Variants in STK3 observed in about 807,000 individuals in gnomAD.
STK3 encodes the protein serine/threonine-protein kinase 3.
STK3 carries 41 observed loss-of-function variants against 58.0 expected under a neutral mutation model. The observed-to-expected ratio is 0.71, with a 90% CI of 0.55 to 0.92. The LOEUF (loss-of-function observed/expected upper bound fraction) is 0.92. STK3 is among the 40% of genes least tolerant of loss of function. The probability of loss-of-function intolerance (pLI) is 0.00; values close to 1 mark genes in which losing one functional copy is unlikely to be tolerated. For synonymous variants in STK3, 170 were observed against 191.0 expected (o/e 0.89, Z 0.91); for missense variants, 479 against 602.7 (o/e 0.79, Z 2.15).
At chr8:98,803,607 A>G (rs1219724774) in intron 1 of STK3, among the ~76,000 whole-genome samples, 2 of 129,052 alleles carry the variant, frequency 1.5e-5, no homozygotes, top group Non-Finnish European at 3.2e-5. Context: ...AAAAAAAAAA[A>G]AGAAAAAAAA....
At position 98,863,722 on chromosome 8, in the gene STK3, G is replaced by A. The variant is rs1587768164; in HGVS notation, c.110+19925C>T. Among the ~76,000 whole-genome samples the A allele has an allele frequency of 4.6e-5, 7 of 152,298 alleles. No individual in the cohort carries two copies. The South Asian group carries it at 1.5e-3, about 32-fold the overall frequency. Reference sequence around the variant, plus strand: ...CATTTTGGGAAAGAAGTACAAGGTAGAAACAACCATTTAACTATGTAATAT... The same window carrying A: ...CATTTTGGGAAAGAAGTACAAGGTAAAAACAACCATTTAACTATGTAATAT... On this transcript the variant is annotated intron_variant, in intron 3 of 12. Coordinates refer to the STK3 transcript ENST00000523601.
chr8:98,751,921 C>A (rs574944312), intron 3 of STK3, among the ~76,000 whole-genome samples: 1 of 152,024 alleles, frequency 6.6e-6, no homozygotes, highest in African/African-American at 2.4e-5. Flanking sequence ...GCCTGGGCAA[C>A]AGAGCAAGAC....
chr8:98,357,332 C>T, the STK3 span, among the ~76,000 whole-genome samples: 1 of 152,158 alleles, frequency 6.6e-6, no homozygotes, highest in African/African-American at 2.4e-5. Flanking sequence ...AAGGTGGGTT[C>T]TCACAGCAAG....
chr8:98,692,359 A>C (rs565615047), intron 6 of STK3, among the ~76,000 whole-genome samples: 3 of 152,372 alleles, frequency 2.0e-5, no homozygotes, highest in Non-Finnish European at 4.4e-5. Context: ...TGCTATATAC[A>C]TACAAAGAAA....
chr8:98,479,093 C>T (rs1303219364), intron 10 of STK3, among the ~76,000 whole-genome samples: 1 of 152,128 alleles, frequency 6.6e-6, no homozygotes, highest in Non-Finnish European at 1.5e-5. Flanking sequence ...CTGTTTTACC[C>T]TTGGCAGCTC....
intron 10 of STK3, among the ~76,000 whole-genome samples, chr8:98,459,169 C>T (rs868866809): frequency 1.4e-4 from 21 of 152,160 alleles, no homozygotes; most frequent in Non-Finnish European, 2.2e-4. Flanking sequence ...TGGTCTCAGA[C>T]GAACATGAGA....
intron 6 of STK3, among the ~76,000 whole-genome samples, chr8:98,605,518 C>T (rs1241182279): frequency 1.3e-5 from 2 of 150,092 alleles, no homozygotes; most frequent in East Asian, 2.0e-4. Context: ...CTCACTGCAA[C>T]ATCCGCCTGC....
At chr8:98,429,002 C>T in intron 3 of STK3, 1 of 1,614,136 alleles carries the variant, frequency 6.2e-7, no homozygotes, top group Non-Finnish European at 8.5e-7. Context: ...TGGGGATTTC[C>T]ATCTTCTCCG....
chr8:98,449,506 A>G (rs1180539399), intron 1 of STK3, among the ~76,000 whole-genome samples: 3 of 152,196 alleles, frequency 2.0e-5, no homozygotes, highest in African/African-American at 7.2e-5. Flanking sequence ...TCATATTTGT[A>G]AGGACCAAGA....
At chr8:98,754,875 T>C (rs547066982) in intron 3 of STK3, among the ~76,000 whole-genome samples, 3 of 152,278 alleles carry the variant, frequency 2.0e-5, no homozygotes, top group African/African-American at 7.2e-5. Context: ...TAACAATGAA[T>C]TGACGATTAT....
intron 6 of STK3, among the ~76,000 whole-genome samples, chr8:98,703,038 T>C (rs1435293446): frequency 6.6e-6 from 1 of 152,234 alleles, no homozygotes; most frequent in Non-Finnish European, 1.5e-5. Flanking sequence ...AGCCTATATG[T>C]CTACCAAAAC....
At chr8:98,749,413 T>TTAAC in intron 3 of STK3, 23 bp from the exon 4 acceptor site, 1 of 1,340,744 alleles carries the variant, frequency 7.5e-7, no homozygotes, top group Non-Finnish European at 1.0e-6. Flanking sequence ...ACATAAACAA[T>TTAAC]TAAATTTAGT....
intron 3 of STK3, among the ~76,000 whole-genome samples, chr8:98,844,334 C>A (rs1564056158): frequency 1.3e-5 from 2 of 152,112 alleles, no homozygotes; most frequent in South Asian, 2.1e-4. Flanking sequence ...ATTTCATTAT[C>A]TTTGCAATAA....
the STK3 span, among the ~76,000 whole-genome samples, chr8:98,358,860 A>C: frequency 0.081 from 12,391 of 152,106 alleles, 594 homozygotes; most frequent in East Asian, 0.19. Flanking sequence ...CATCAAGAGG[A>C]AACGTCACTG....
intron 6 of STK3, among the ~76,000 whole-genome samples, chr8:98,622,993 A>C (rs546842256): frequency 6.6e-6 from 1 of 152,300 alleles, no homozygotes; most frequent in South Asian, 2.1e-4. Flanking sequence ...ATAAAAGAAA[A>C]CCCATGTAGA....
At chr8:98,532,949 TTTTC>T (rs990508540) in intron 9 of STK3, among the ~76,000 whole-genome samples, 2 of 152,132 alleles carry the variant, frequency 1.3e-5, no homozygotes, top group South Asian at 2.1e-4. Flanking sequence ...ATTTTTTTGT[TTTTC>T]TTTGTTTTTT....
At chr8:98,382,002 C>T (rs1817736747) in intron 1 of STK3, among the ~76,000 whole-genome samples, 1 of 152,168 alleles carries the variant, frequency 6.6e-6, no homozygotes, top group Non-Finnish European at 1.5e-5. Context: ...GTCACCTCCC[C>T]CCACTTAAAT....
chr8:98,412,653 A>G (rs1818069924), intron 3 of STK3, among the ~76,000 whole-genome samples: 1 of 152,220 alleles, frequency 6.6e-6, no homozygotes, highest in Non-Finnish European at 1.5e-5. Context: ...GCAGTTGCAT[A>G]TCTATCAGGA....
intron 8 of STK3, chr8:98,553,273 T>C (rs1418649139): frequency 6.6e-6 from 1 of 152,166 alleles, no homozygotes; most frequent in Non-Finnish European, 1.5e-5. Context: ...TGTATTCCCA[T>C]AGTACTCTGT....
Sources: gnomAD v4.1 joint callset for allele counts (sites outside exome capture counted in the v4.1 genomes callset) on GRCh38, gnomAD v4.1.1 for gene constraint, MANE v1.5 for transcripts, NCBI Gene and HGNC (gene_info 2026-07-23, HGNC 2026-07-21) for gene names.